The following RYR2 variants were observed in gnomAD, a reference collection of about 807,000 sequenced individuals.
RYR2 encodes the protein cardiac muscle ryanodine receptor-calcium release channel.
A neutral mutation model predicts 601.1 loss-of-function variants in RYR2; 227 were observed. The ratio of observed to expected loss-of-function variants is 0.38; its 90% confidence interval spans 0.34 to 0.42. The LOEUF is 0.42. RYR2 is among the 10% of genes least tolerant of loss of function. The pLI is 1.00. For missense variants in RYR2, 4,646 were observed against 6,156.5 expected (o/e 0.75, Z 8.21); for synonymous variants, 2,223 against 2,175.1 (o/e 1.02, Z -0.61).
intron 2 of RYR2, among the ~76,000 whole-genome samples, chr1:237,288,461 G>A (rs1572484965): frequency 6.6e-6 from 1 of 151,830 alleles, no homozygotes; most frequent in Non-Finnish European, 1.5e-5. Flanking sequence ...TTTGAGCTCA[G>A]ACTGTCCTTG....
At chr1:237,741,985 T>A (rs897945494) in intron 79 of RYR2, among the ~76,000 whole-genome samples, 4 of 152,174 alleles carry the variant, frequency 2.6e-5, no homozygotes, top group Non-Finnish European at 5.9e-5. Context: ...CCTTTTAAGG[T>A]TTGCAGTTTG....
At position 237,772,076 on chromosome 1, in the gene RYR2, T is replaced by G. The variant is rs1258139963; in HGVS notation, c.11622T>G (p.Thr3874=). The G allele has an allele frequency of 1.9e-6, 3 of 1,540,762 alleles. No homozygotes were observed. The African/African-American group carries it at 4.1e-5, about 21-fold the overall frequency. The change falls in exon 86 of 105, where the codon ACT becomes ACG. Residue 3874 remains threonine, a synonymous_variant. Coordinates refer to ENST00000366574, the MANE Select transcript of RYR2 (RefSeq NM_001035.3). ...NNTTVNIIIS[T]VDYLLRVQES... is the part of the protein sequence containing the mutation. ...CAACTGTCAACATAATTATCTCCAC[T>G]GTAGACTACCTACTGAGAGTTCAGG...
chr1:237,257,977 A>T (rs918946115), intron 1 of RYR2, among the ~76,000 whole-genome samples: 2 of 152,010 alleles, frequency 1.3e-5, no homozygotes, highest in Non-Finnish European at 2.9e-5. Flanking sequence ...CAGCCTGGCC[A>T]ACATGGTGAA....
chr1:237,213,531 T>C (rs1358218757), intron 1 of RYR2, among the ~76,000 whole-genome samples: 1 of 152,104 alleles, frequency 6.6e-6, no homozygotes, highest in Non-Finnish European at 1.5e-5. Flanking sequence ...TGGTTGAGTG[T>C]ATTTCTTCTT....
intron 1 of RYR2, among the ~76,000 whole-genome samples, chr1:237,224,578 C>T (rs1174887850): frequency 6.6e-6 from 1 of 152,118 alleles, no homozygotes; most frequent in Non-Finnish European, 1.5e-5. Context: ...GACTTACAGG[C>T]TGGGCACAGT....
intron 1 of RYR2, among the ~76,000 whole-genome samples, chr1:237,088,385 T>C (rs1326992648): frequency 6.6e-6 from 1 of 152,242 alleles, no homozygotes; most frequent in African/African-American, 2.4e-5. Flanking sequence ...CTTTCCTTTT[T>C]CTACTTTCCT....
intron 1 of RYR2, among the ~76,000 whole-genome samples, chr1:237,218,344 G>A (rs1337018094): frequency 6.6e-6 from 1 of 152,062 alleles, no homozygotes; most frequent in Admixed American, 6.6e-5. Context: ...TGTGAACTGG[G>A]ATTATTGTGT....
Position 237,809,026 on chromosome 1 carries a change from T to C in RYR2, c.14424T>C (p.Asp4808=). Residue 4808 remains aspartate (D), a synonymous_variant, in exon 100 of 105, where the codon GAT becomes GAC. Coordinates refer to ENST00000366574, the MANE Select transcript of RYR2 (RefSeq NM_001035.3). ...DGDTPDMKCD[D]MLTCYMFHMY... ...ATACACCAGATATGAAATGTGACGA[T>C]ATGCTAACAGTAAGTTCATAACCTT... 6.2e-7 allele frequency: 1 copy of C among 1,613,308 alleles called. No homozygotes were observed. The highest frequency in any genetic ancestry group is 2.2e-5 in the East Asian group (1 of 44,850).
chr1:237,602,786 C>T (rs2148515278), intron 35 of RYR2, among the ~76,000 whole-genome samples: 1 of 152,186 alleles, frequency 6.6e-6, no homozygotes. Context: ...ATTACATAGA[C>T]AAGGGAAATC....
chr1:237,763,950 G>A (rs1389917221), intron 84 of RYR2, among the ~76,000 whole-genome samples: 2 of 152,196 alleles, frequency 1.3e-5, no homozygotes, highest in Admixed American at 1.3e-4. Flanking sequence ...AGAAAAGGCT[G>A]AAAAAGCAAC....
chr1:237,464,918 A>G (rs1187629258), intron 16 of RYR2, among the ~76,000 whole-genome samples: 1 of 152,164 alleles, frequency 6.6e-6, no homozygotes, highest in African/African-American at 2.4e-5. Context: ...TTGCTGTTAT[A>G]AAGAGTGCTG....
At chr1:237,170,348 A>G (rs1677215180) in intron 1 of RYR2, among the ~76,000 whole-genome samples, 1 of 152,126 alleles carries the variant, frequency 6.6e-6, no homozygotes, top group South Asian at 2.1e-4. Flanking sequence ...CACATGTTTG[A>G]AGGCATCGGG....
intron 1 of RYR2, among the ~76,000 whole-genome samples, chr1:237,065,446 A>AT (rs199678521): frequency 1.4e-5 from 1 of 72,990 alleles, no homozygotes; most frequent in African/African-American, 4.0e-5. Flanking sequence ...CGCCTGGCTA[A>AT]TTTTTTTTGG....
intron 1 of RYR2, among the ~76,000 whole-genome samples, chr1:237,078,743 T>C (rs1572554357): frequency 5.9e-5 from 8 of 136,444 alleles, no homozygotes; most frequent in African/African-American, 1.7e-4. Flanking sequence ...TTCCAATCAA[T>C]AGAAAAAGAG....
chr1:237,138,109 G>A (rs1672981286), intron 1 of RYR2, among the ~76,000 whole-genome samples: 2 of 152,122 alleles, frequency 1.3e-5, no homozygotes, highest in Admixed American at 1.3e-4. Context: ...TCGGCTTACT[G>A]TAGCTTCTGC....
In RYR2 at chr1:237,288,362, G is replaced by A. The variant is rs189194183; in HGVS notation, c.168+17746G>A. On this transcript the variant is annotated intron_variant, in intron 2 of 104. Transcript: ENST00000366574. ...TTGGGAGGAACTGGCGGTGGGCAGG[G>A]CCCTAGAGCTCCCAAGATTATATGT... 2.8e-3 allele frequency among the ~76,000 whole-genome samples: 430 copies of A among 152,230 alleles called. 4 individuals carry two copies. Among genetic ancestry groups the A allele is most frequent in the Non-Finnish European group, 4.5e-3 (308 of 68,002 alleles).
chr1:237,633,828 G>T, intron 43 of RYR2, 118 bp downstream of exon 43: 1 of 1,028,946 alleles, frequency 9.7e-7, no homozygotes, highest in Non-Finnish European at 1.4e-6. Context: ...CACAAAAGAA[G>T]ACAGATAGTT....
chr1:237,485,458 G>A (rs1388106282), intron 17 of RYR2, among the ~76,000 whole-genome samples: 1 of 152,202 alleles, frequency 6.6e-6, no homozygotes, highest in Non-Finnish European at 1.5e-5. Flanking sequence ...TTTTAAAAAT[G>A]TGAATGTGCT....
intron 56 of RYR2, among the ~76,000 whole-genome samples, chr1:237,661,416 A>C (rs1239861529): frequency 6.6e-6 from 1 of 152,202 alleles, no homozygotes; most frequent in Non-Finnish European, 1.5e-5. Context: ...TGATGGGTGC[A>C]GCAAACCATT....
Sources: gnomAD v4.1 joint callset for allele counts (sites outside exome capture counted in the v4.1 genomes callset) on GRCh38, gnomAD v4.1.1 for gene constraint, MANE v1.5 for transcripts, NCBI Gene and HGNC (gene_info 2026-07-23, HGNC 2026-07-21) for gene names.